SLC14A2: variants seen among roughly 807,000 people sequenced by gnomAD.
SLC14A2 encodes solute carrier family 14 member 2.
Under a neutral mutation model 104.6 loss-of-function variants are expected in SLC14A2, and 91 were observed. That is an observed-to-expected ratio of 0.87 (90% CI 0.73 to 1.04). The LOEUF is 1.04. SLC14A2 is among the 50% of genes least tolerant of loss of function. The pLI is 0.00. For synonymous variants in SLC14A2, 476 were observed against 466.4 expected (o/e 1.02, Z -0.27); for missense variants, 1,189 against 1,156.0 (o/e 1.03, Z -0.41).
intron 1 of SLC14A2, among the ~76,000 whole-genome samples, chr18:45,221,035 A>G (rs1251380977): frequency 2.0e-5 from 3 of 152,208 alleles, no homozygotes; most frequent in African/African-American, 7.2e-5. Context: ...TTTCAATTGA[A>G]TCACCACTTT....
rs2087352475 is a variant in SLC14A2, at chr18:45,475,641, GGATATATATATATATATAT to G, written c.-124-7591_-124-7573del. The stretch of plus-strand genomic sequence containing the variant: ...TAGGATATATATATATATATATTTA[GGATATATATATATATATAT>G]ATATATATATATATATATATATATA... On this transcript the variant is annotated intron_variant, in intron 1 of 20. Coordinates refer to the SLC14A2 transcript ENST00000586448. 5.7e-3 allele frequency among the ~76,000 whole-genome samples: 66 copies of G among 11,648 alleles called. 1 individual carries two copies. Among genetic ancestry groups the G allele is most frequent in the African/African-American group, 0.014 (65 of 4,580 alleles). The allele number at this position is 11,648 out of a possible 152,430, so 7.6% of individuals were successfully genotyped here.
At chr18:45,200,375 G>A in the SLC14A2 span, among the ~76,000 whole-genome samples, 1 of 152,102 alleles carries the variant, frequency 6.6e-6, no homozygotes, top group East Asian at 1.9e-4. Context: ...AGAAACTAAT[G>A]CCTTCCTTAC....
intron 2 of SLC14A2, among the ~76,000 whole-genome samples, chr18:45,606,759 CAAAAAAAAAAAA>C (rs2044877751): frequency 1.1e-3 from 16 of 14,158 alleles, no homozygotes; most frequent in Non-Finnish European, 2.2e-3. Flanking sequence ...AAAACAAAAA[CAAAAAAAAAAAA>C]CACTGGCTGC....
intron 2 of SLC14A2, among the ~76,000 whole-genome samples, chr18:45,560,495 T>A (rs562678991): frequency 9.2e-5 from 14 of 152,190 alleles, no homozygotes; most frequent in Admixed American, 8.5e-4. Context: ...AGCCTTCTAC[T>A]CCTCTAGGAT....
intron 1 of SLC14A2, among the ~76,000 whole-genome samples, chr18:45,291,092 G>A (rs1024955689): frequency 2.0e-5 from 3 of 152,196 alleles, no homozygotes; most frequent in African/African-American, 7.2e-5. Flanking sequence ...ATACAGACAT[G>A]AAAACCACAG....
intron 1 of SLC14A2, among the ~76,000 whole-genome samples, chr18:45,239,371 G>T (rs1455753601): frequency 6.6e-6 from 1 of 152,194 alleles, no homozygotes; most frequent in East Asian, 1.9e-4. Flanking sequence ...ATTTTCCCAG[G>T]GATGTTGAGC....
the SLC14A2 span, among the ~76,000 whole-genome samples, chr18:45,197,717 C>T: frequency 6.6e-6 from 1 of 152,170 alleles, no homozygotes; most frequent in Non-Finnish European, 1.5e-5. Context: ...GCGTCATTTC[C>T]CCCTGAACAA....
chr18:45,307,796 A>G (rs1425337975), intron 1 of SLC14A2, among the ~76,000 whole-genome samples: 1 of 152,264 alleles, frequency 6.6e-6, no homozygotes, highest in Non-Finnish European at 1.5e-5. Flanking sequence ...ATAAGAGCCA[A>G]CATTTATTGA....
At chr18:45,627,521 G>A (rs1218580959) in intron 4 of SLC14A2, among the ~76,000 whole-genome samples, 1 of 152,226 alleles carries the variant, frequency 6.6e-6, no homozygotes, top group Non-Finnish European at 1.5e-5. Context: ...ACATTACCAA[G>A]TGTTGGGAAG....
chr18:45,195,908 T>C, the SLC14A2 span, among the ~76,000 whole-genome samples: 37 of 152,110 alleles, frequency 2.4e-4, no homozygotes, highest in Non-Finnish European at 3.2e-4. Context: ...AGAGTTTAAT[T>C]GAGCAAAGAA....
At chr18:45,381,425 T>C (rs940488946) in intron 1 of SLC14A2, among the ~76,000 whole-genome samples, 3 of 152,200 alleles carry the variant, frequency 2.0e-5, no homozygotes, top group Non-Finnish European at 4.4e-5. Context: ...CTTGAACTTA[T>C]TTTCTGTGGT....
chr18:45,623,496 C>T (rs1339231292), intron 1 of SLC14A2, among the ~76,000 whole-genome samples: 1 of 152,100 alleles, frequency 6.6e-6, no homozygotes, highest in African/African-American at 2.4e-5. Context: ...TTGAGATAAG[C>T]CTCAAAGAAG....
intron 1 of SLC14A2, among the ~76,000 whole-genome samples, chr18:45,333,577 A>G (rs918458016): frequency 3.9e-5 from 6 of 152,230 alleles, no homozygotes; most frequent in African/African-American, 1.4e-4. Flanking sequence ...AGTAAATTGC[A>G]ATCAGTTAAC....
At chr18:45,194,232 T>C in the SLC14A2 span, among the ~76,000 whole-genome samples, 2 of 152,222 alleles carry the variant, frequency 1.3e-5, no homozygotes, top group African/African-American at 4.8e-5. Context: ...TCCAGTATAA[T>C]GCTGACTAGA....
intron 1 of SLC14A2, among the ~76,000 whole-genome samples, chr18:45,386,259 C>A (rs2085895366): frequency 1.3e-5 from 2 of 152,126 alleles, no homozygotes; most frequent in Non-Finnish European, 1.5e-5. Context: ...CTTTAAAACC[C>A]AAACTGAAGG....
intron 1 of SLC14A2, among the ~76,000 whole-genome samples, chr18:45,391,107 G>T (rs1330070385): frequency 2.6e-5 from 4 of 151,978 alleles, no homozygotes; most frequent in African/African-American, 9.7e-5. Context: ...AGGCCCTGGT[G>T]TGTGATGTTC....
At chr18:45,576,963 G>A (rs1274241606) in intron 2 of SLC14A2, among the ~76,000 whole-genome samples, 1 of 152,168 alleles carries the variant, frequency 6.6e-6, no homozygotes, top group Non-Finnish European at 1.5e-5. Context: ...GGATTGTCTA[G>A]TTTGAATAAT....
Position 45,355,854 on chromosome 18 carries a change from T to C in SLC14A2, c.-124-127379T>C, listed in dbSNP as rs187806161. Among the ~76,000 whole-genome samples the C allele has an allele frequency of 2.1e-3, 325 of 152,222 alleles. 2 individuals carry two copies. Among genetic ancestry groups the C allele is most frequent in the East Asian group, 3.7e-3 (19 of 5,180 alleles). ...GCGGACAGTCAAGGCAGGCTTAGCA[T>C]TCCAGGAAGCAAGAGTTAAAGAGAC... On this transcript the variant is annotated intron_variant, in intron 1 of 20. Coordinates refer to the SLC14A2 transcript ENST00000586448.
At chr18:45,406,818 A>G (rs2144476170) in intron 1 of SLC14A2, among the ~76,000 whole-genome samples, 1 of 152,316 alleles carries the variant, frequency 6.6e-6, no homozygotes, top group East Asian at 1.9e-4. Context: ...TAATATTTTG[A>G]AAGTAATCTT....
Sources: allele counts gnomAD v4.1 joint callset (sites outside exome capture counted in the v4.1 genomes callset), GRCh38; gene constraint gnomAD v4.1.1; transcripts MANE v1.5; gene names NCBI Gene and HGNC (gene_info 2026-07-23, HGNC 2026-07-21).